The following UROS variants were observed in gnomAD, a reference collection of about 807,000 sequenced individuals.
The protein encoded by UROS is uroporphyrinogen III synthase, also known as uroporphyrinogen-III synthase.
In UROS, 18 loss-of-function variants were observed where a neutral mutation model predicts 33.0. The ratio of observed to expected loss-of-function variants is 0.55; its 90% CI spans 0.38 to 0.81. The LOEUF (loss-of-function observed/expected upper bound fraction) is 0.81, where lower values mean the gene tolerates loss of function less well. Among genes scored for constraint, UROS ranks in the 30% least tolerant of loss-of-function variants. UROS has a pLI of 0.00. For synonymous variants in UROS, 114 were observed against 121.1 expected (o/e 0.94, Z 0.38); for missense variants, 293 against 314.9 (o/e 0.93, Z 0.53).
chr10:125,798,896 A>G (rs1371470872), intron 6 of UROS, among the ~76,000 whole-genome samples: 1 of 152,244 alleles, frequency 6.6e-6, no homozygotes, highest in Non-Finnish European at 1.5e-5. Flanking sequence ...AAAGCTGATA[A>G]GTTGTCAAAT....
intron 4 of UROS, 33 bp downstream of exon 4, chr10:125,815,001 G>A (rs747233392): frequency 2.4e-5 from 39 of 1,606,808 alleles, no homozygotes; most frequent in Non-Finnish European, 3.4e-6. Context: ...GTAAATAAAT[G>A]TCCAGTGGAA....
rs1379720782 is a variant in UROS, at chr10:125,810,259, T to C, written c.319+1955A>G. ...AAGAAATGGATGCCACTTCCAAGAT[T>C]AGGTTATAAAAAGACTGTGGCTTCA... On this transcript the variant is annotated intron_variant, in intron 5 of 9. Transcript: ENST00000368797. 3.3e-5 allele frequency among the ~76,000 whole-genome samples: 5 copies of C among 152,096 alleles called. No individual in the cohort carries two copies. In the East Asian group the frequency reaches 9.7e-4, roughly 29 times the overall value.
chr10:125,790,845 C>T (rs993393522), intron 9 of UROS, among the ~76,000 whole-genome samples: 1 of 149,754 alleles, frequency 6.7e-6, no homozygotes, highest in African/African-American at 2.5e-5. Context: ...AATACCAACA[C>T]TTTGGCAGGC....
chr10:125,788,914 A>T lies in UROS; in HGVS notation c.752T>A (p.Leu251Gln). 6.2e-7 allele frequency: 1 copy of T among 1,607,660 alleles called. No individual in the cohort carries two copies. The highest frequency in any genetic ancestry group is 8.5e-7 in the Non-Finnish European group (1 of 1,178,330). The change falls in exon 10 of 10, where the codon CTG becomes CAG. Residue 251 changes from leucine to glutamine, a missense_variant. Transcript: ENST00000368797. ...CTAESPTPQA[L>Q]ATGIRKALQP... ...GAGAGCCTTCCTGATGCCAGTGGCC[A>T]GGGCTTGTGGCGTGGGGCTCTCTGC...
chr10:125,814,094 T>C (rs1853074669), intron 4 of UROS, among the ~76,000 whole-genome samples: 1 of 152,246 alleles, frequency 6.6e-6, no homozygotes, highest in Non-Finnish European at 1.5e-5. Context: ...TAAGCACATC[T>C]ATCTCACAGG....
intron 9 of UROS, chr10:125,793,599 T>A (rs1032866473): frequency 6.6e-6 from 1 of 152,334 alleles, no homozygotes; most frequent in Non-Finnish European, 1.5e-5. Flanking sequence ...CAGGCTGGAG[T>A]GCCGTGGCGC....
chr10:125,795,076 C>G (rs1420934751), intron 8 of UROS, 98 bp from the exon 9 acceptor site: 17 of 1,206,584 alleles, frequency 1.4e-5, no homozygotes, highest in Non-Finnish European at 2.1e-5. Context: ...AGCCACAGGC[C>G]ACCAAGGCGG....
intron 5 of UROS, among the ~76,000 whole-genome samples, chr10:125,810,581 CTAG>C (rs1488527925): frequency 6.6e-6 from 1 of 152,158 alleles, no homozygotes; most frequent in Non-Finnish European, 1.5e-5. Flanking sequence ...CTGTTTCTAG[CTAG>C]TAAGTTTTGG....
intron 7 of UROS, 93 bp from the exon 8 acceptor site, chr10:125,796,281 T>A: frequency 8.1e-7 from 1 of 1,230,400 alleles, no homozygotes. Context: ...AACCTCCCAA[T>A]ACAGCACCAC....
chr10:125,796,141 C>G lies in UROS; in HGVS notation c.523G>C (p.Gly175Arg). ...TAGCTGTTCAGGTTCCCTTGGATTC[C>G]TGGGTGTGCAACTGTCTGATACACA... ...ITVYQTVAHPGIQGNLNSYYS... is the reference protein window; with the variant it reads ...ITVYQTVAHPRIQGNLNSYYS... Residue 175 changes from glycine to arginine, a missense_variant, in exon 8 of 10, where the codon GGA becomes CGA. Transcript: ENST00000368797. 6.2e-7 allele frequency: 1 copy of G among 1,614,162 alleles called. No homozygotes were observed.
intron 9 of UROS, chr10:125,789,558 T>G: frequency 5.4e-6 from 1 of 185,842 alleles, no homozygotes; most frequent in Middle Eastern, 9.2e-4. Flanking sequence ...ACAGGACTCT[T>G]CACTGGGCTG....
At chr10:125,786,729 G>T (rs1021479318), downstream of UROS, among the ~76,000 whole-genome samples, 1 of 152,138 alleles carries the variant, frequency 6.6e-6, no homozygotes, top group African/African-American at 2.4e-5. Context: ...CATAATTATT[G>T]CCCTTAACAG....
At chr10:125,786,308 G>C (rs1271377753), downstream of UROS, among the ~76,000 whole-genome samples, 1 of 133,260 alleles carries the variant, frequency 7.5e-6, no homozygotes, top group African/African-American at 2.9e-5. Context: ...ACAGAGTTTT[G>C]CTCTTGTTGC....
At chr10:125,809,620 T>G (rs562804240) in intron 5 of UROS, among the ~76,000 whole-genome samples, 1 of 152,208 alleles carries the variant, frequency 6.6e-6, no homozygotes, top group Admixed American at 6.5e-5. Flanking sequence ...AAAAAAAAAT[T>G]TGTTTCATTA....
At chr10:125,793,986 A>C (rs564420386) in intron 9 of UROS, 3 of 152,284 alleles carry the variant, frequency 2.0e-5, no homozygotes, top group African/African-American at 7.2e-5. Flanking sequence ...CCTCACCTGT[A>C]ATGAGGAACA....
intron 6 of UROS, among the ~76,000 whole-genome samples, chr10:125,801,550 T>C (rs894136850): frequency 6.6e-6 from 1 of 152,236 alleles, no homozygotes; most frequent in African/African-American, 2.4e-5. Flanking sequence ...CATCAAAGTT[T>C]ACTGAGAAAG....
intron 7 of UROS, 99 bp downstream of exon 7, chr10:125,797,966 C>A: frequency 7.1e-7 from 1 of 1,412,174 alleles, no homozygotes; most frequent in Non-Finnish European, 1.0e-6. Context: ...GCCCTGCTCT[C>A]CCTTGTGTGC....
chr10:125,819,787 T>G (rs141499067), intron 1 of UROS: 1 of 152,772 alleles, frequency 6.5e-6, no homozygotes, highest in African/African-American at 2.4e-5. Flanking sequence ...AACCTGTTAT[T>G]TCCCATTGAG....
At chr10:125,794,398 A>T (rs1353155246) in intron 9 of UROS, 54 of 1,007,676 alleles carry the variant, frequency 5.4e-5, no homozygotes, top group Non-Finnish European at 6.4e-5. Context: ...TCTATTACAG[A>T]CACAAGAGTT....
Sources: gnomAD v4.1 joint callset for allele counts (sites outside exome capture counted in the v4.1 genomes callset) on GRCh38, gnomAD v4.1.1 for gene constraint, MANE v1.5 for transcripts, NCBI Gene and HGNC (gene_info 2026-07-23, HGNC 2026-07-21) for gene names.